Variants in MSANTD3 observed in about 807,000 individuals in gnomAD.
MSANTD3 encodes Myb/SANT DNA binding domain containing 3.
Under a neutral mutation model 27.7 loss-of-function variants are expected in MSANTD3, and 11 were observed. The ratio of observed to expected loss-of-function variants is 0.40; its 90% CI spans 0.25 to 0.66. The LOEUF (loss-of-function observed/expected upper bound fraction) is 0.66. MSANTD3 is among the 30% of genes least tolerant of loss of function. The pLI, the probability that MSANTD3 is intolerant of heterozygous loss-of-function variation, is 0.41. For synonymous variants in MSANTD3, 131 were observed against 127.2 expected (o/e 1.03, Z -0.20); for missense variants, 250 against 336.5 (o/e 0.74, Z 2.01).
intron 1 of MSANTD3, among the ~76,000 whole-genome samples, chr9:100,440,780 CTTTTT>C (rs529362356): frequency 6.3e-4 from 54 of 85,698 alleles, no homozygotes; most frequent in South Asian, 1.1e-3. Context: ...TTTTTCTTCC[CTTTTT>C]TTTTTTTTTT....
intron 1 of MSANTD3, among the ~76,000 whole-genome samples, chr9:100,430,095 CAA>C (rs34052606): frequency 4.9e-4 from 54 of 110,914 alleles, no homozygotes; most frequent in African/African-American, 7.8e-4. Context: ...CTCTCTCTCT[CAA>C]AAAAAAAAAA....
rs142050400 is a variant in MSANTD3 at position 100,428,051 on chromosome 9, G to A, written c.-34+658G>A. Among the ~76,000 whole-genome samples the A allele has an allele frequency of 7.2e-5, 11 of 152,300 alleles. No homozygotes were observed. In the East Asian group the frequency reaches 1.7e-3, roughly 24 times the overall value. On this transcript the variant is annotated intron_variant, in intron 1 of 2. Coordinates refer to ENST00000395067, the MANE Select transcript of MSANTD3 (RefSeq NM_080655.3). Reference sequence around the variant, plus strand: ...AGCACTCTGTATGTACCAGGCCCTAGGTACTAAACAGTTGGCATGAATTAT... The same window carrying A: ...AGCACTCTGTATGTACCAGGCCCTAAGTACTAAACAGTTGGCATGAATTAT...
intron 2 of MSANTD3, among the ~76,000 whole-genome samples, chr9:100,447,800 T>C (rs972012211): frequency 1.3e-5 from 2 of 152,234 alleles, no homozygotes; most frequent in African/African-American, 4.8e-5. Context: ...CCTAGTTAGC[T>C]GCTCAAAAAA....
chr9:100,438,786 G>T (rs1836538772), intron 1 of MSANTD3, among the ~76,000 whole-genome samples: 2 of 152,174 alleles, frequency 1.3e-5, no homozygotes, highest in African/African-American at 4.8e-5. Context: ...TCAGTTTGGG[G>T]AACATTGATT....
At chr9:100,429,822 C>A (rs1836329340) in intron 1 of MSANTD3, among the ~76,000 whole-genome samples, 1 of 151,906 alleles carries the variant, frequency 6.6e-6, no homozygotes, top group South Asian at 2.1e-4. Context: ...CTTGTCTCAG[C>A]CTCCCAAGTA....
intron 2 of MSANTD3, among the ~76,000 whole-genome samples, chr9:100,443,050 T>C (rs577948089): frequency 1.3e-4 from 20 of 152,290 alleles, no homozygotes; most frequent in African/African-American, 4.6e-4. Flanking sequence ...AAAATATTTT[T>C]GGAGGTCCTT....
chr9:100,436,113 T>G (rs1419330946), intron 1 of MSANTD3, among the ~76,000 whole-genome samples: 1 of 152,202 alleles, frequency 6.6e-6, no homozygotes, highest in African/African-American at 2.4e-5. Flanking sequence ...ATTTTGCTAT[T>G]TTATTTGACC....
At chr9:100,437,999 A>G (rs1358918545) in intron 1 of MSANTD3, among the ~76,000 whole-genome samples, 2 of 152,198 alleles carry the variant, frequency 1.3e-5, no homozygotes, top group Admixed American at 1.3e-4. Context: ...AACTGGCCAC[A>G]TGTAGGGCAA....
At chr9:100,435,283 T>A (rs1321519408) in intron 1 of MSANTD3, among the ~76,000 whole-genome samples, 3 of 152,190 alleles carry the variant, frequency 2.0e-5, no homozygotes, top group Non-Finnish European at 4.4e-5. Flanking sequence ...TTCACCTCAC[T>A]TTAAGATCAG....
intron 2 of MSANTD3, 49 bp from the exon 3 acceptor site, chr9:100,450,507 TC>T: frequency 6.8e-7 from 1 of 1,467,080 alleles, no homozygotes; most frequent in African/African-American, 1.4e-5. Context: ...TTTTTTTTTT[TC>T]TCTGCCTGTA....
At chr9:100,440,099 A>G (rs1836572139) in intron 1 of MSANTD3, among the ~76,000 whole-genome samples, 1 of 152,184 alleles carries the variant, frequency 6.6e-6, no homozygotes, top group African/African-American at 2.4e-5. Flanking sequence ...TAAAACACAC[A>G]TAGGTTTCAT....
intron 2 of MSANTD3, among the ~76,000 whole-genome samples, chr9:100,443,302 G>T (rs1299733783): frequency 2.0e-5 from 3 of 152,044 alleles, no homozygotes; most frequent in Non-Finnish European, 4.4e-5. Context: ...GGGAGGCTGA[G>T]GCAGGAGAAT....
chr9:100,445,725 C>CT (rs1439413313), intron 2 of MSANTD3, among the ~76,000 whole-genome samples: 2 of 152,140 alleles, frequency 1.3e-5, no homozygotes, highest in African/African-American at 2.4e-5. Flanking sequence ...AGGATGGACT[C>CT]TAATAGTATT....
At position 100,451,027 on chromosome 9, in the gene MSANTD3, A is replaced by G. The variant is rs1836873751; in HGVS notation, c.*61A>G. 1 of 1,496,148 alleles carries G rather than the reference A, an allele frequency of 6.7e-7. No homozygotes were observed. 92.7% of individuals were successfully genotyped at this position (1,496,148 alleles called of 1,614,324 possible). ...TTGGCAAAGAATGTCTGGAACATGG[A>G]CTTGGCGGTCAGTAACCTGTAACAG... On this transcript the variant is annotated 3_prime_UTR_variant, in exon 3 of 3. Coordinates refer to ENST00000395067, the MANE Select transcript of MSANTD3 (RefSeq NM_080655.3).
chr9:100,444,392 A>T (rs1337120751), intron 2 of MSANTD3: 2 of 152,122 alleles, frequency 1.3e-5, no homozygotes, highest in East Asian at 3.9e-4. Context: ...ATCACTCCTC[A>T]TTGCTGCTTC....
chr9:100,448,435 A>C (rs1429970606), intron 2 of MSANTD3: 1 of 985,214 alleles, frequency 1.0e-6, no homozygotes, highest in Non-Finnish European at 1.2e-6. Context: ...TTGCAGTTGA[A>C]ACTCACACCT....
At chr9:100,435,275 C>T (rs1836458270) in intron 1 of MSANTD3, among the ~76,000 whole-genome samples, 1 of 152,126 alleles carries the variant, frequency 6.6e-6, no homozygotes, top group Non-Finnish European at 1.5e-5. Context: ...TGGTTCATTT[C>T]ACCTCACTTT....
intron 2 of MSANTD3, among the ~76,000 whole-genome samples, chr9:100,447,510 G>A (rs1193353818): frequency 1.3e-5 from 2 of 152,170 alleles, no homozygotes; most frequent in Non-Finnish European, 2.9e-5. Flanking sequence ...AGATCAAAAT[G>A]CAGGATACAC....
At chr9:100,439,652 G>A (rs1029438593) in intron 1 of MSANTD3, among the ~76,000 whole-genome samples, 13 of 151,774 alleles carry the variant, frequency 8.6e-5, no homozygotes, top group Admixed American at 2.0e-4. Context: ...TGGGACTACA[G>A]GCGTCTGCCA....
Sources: gnomAD v4.1 joint callset for allele counts (sites outside exome capture counted in the v4.1 genomes callset) on GRCh38, gnomAD v4.1.1 for gene constraint, MANE v1.5 for transcripts, NCBI Gene and HGNC (gene_info 2026-07-23, HGNC 2026-07-21) for gene names.